Variants in NEO1 observed in about 807,000 individuals in gnomAD.
The protein encoded by NEO1 is neogenin 1.
A neutral mutation model predicts 159.7 loss-of-function variants in NEO1; 63 were observed. The ratio of observed to expected loss-of-function variants is 0.39; its 90% CI spans 0.32 to 0.49. The LOEUF is 0.49. NEO1 is among the 20% of genes least tolerant of loss of function. The pLI is 0.85. For missense variants in NEO1, 1,615 were observed against 1,831.0 expected (o/e 0.88, Z 2.15); for synonymous variants, 633 against 662.0 (o/e 0.96, Z 0.67).
At chr15:73,205,007 G>A (rs1265271250) in intron 7 of NEO1, among the ~76,000 whole-genome samples, 2 of 152,114 alleles carry the variant, frequency 1.3e-5, no homozygotes, top group Non-Finnish European at 2.9e-5. Context: ...CTTGACTTCG[G>A]AACTTCCCTA....
chr15:73,227,151 A>G (rs923462550), intron 7 of NEO1, among the ~76,000 whole-genome samples: 5 of 152,228 alleles, frequency 3.3e-5, no homozygotes, highest in Admixed American at 2.6e-4. Context: ...CTAGATTTTG[A>G]AAGTTAATTC....
At chr15:73,273,597 G>A (rs572912245) in intron 19 of NEO1, among the ~76,000 whole-genome samples, 1 of 152,298 alleles carries the variant, frequency 6.6e-6, no homozygotes, top group East Asian at 1.9e-4. Context: ...CTGCCCAGGA[G>A]TTCCTAGGAG....
chr15:73,188,337 C>T (rs578233308), intron 7 of NEO1, among the ~76,000 whole-genome samples: 50 of 152,150 alleles, frequency 3.3e-4, no homozygotes, highest in Middle Eastern at 6.8e-3. Flanking sequence ...TGTGTATATA[C>T]ACTTTTTAAA....
intron 7 of NEO1, among the ~76,000 whole-genome samples, chr15:73,227,813 T>G (rs1056196978): frequency 4.9e-4 from 75 of 152,216 alleles, no homozygotes; most frequent in Non-Finnish European, 1.6e-4. Context: ...TCCTTCTTGT[T>G]AAGTAACCAA....
chr15:73,124,333 G>T (rs1475453806), intron 3 of NEO1, among the ~76,000 whole-genome samples: 2 of 152,150 alleles, frequency 1.3e-5, no homozygotes, highest in Non-Finnish European at 2.9e-5. Flanking sequence ...AAAGTGCTGG[G>T]CTTATAGGTA....
At chr15:73,191,881 A>G (rs990060150) in intron 7 of NEO1, among the ~76,000 whole-genome samples, 3 of 152,046 alleles carry the variant, frequency 2.0e-5, no homozygotes, top group Admixed American at 6.6e-5. Context: ...CTTTCTAGAG[A>G]TAACCCTCAT....
chr15:73,278,093 G>C, intron 21 of NEO1, 38 bp from the exon 22 acceptor site: 2 of 1,582,426 alleles, frequency 1.3e-6, no homozygotes, highest in Non-Finnish European at 1.7e-6. Flanking sequence ...CACGCCAAAT[G>C]TGTGGGGTCA....
chr15:73,264,746 C>T (rs1337679916), intron 15 of NEO1, among the ~76,000 whole-genome samples: 1 of 152,074 alleles, frequency 6.6e-6, no homozygotes, highest in Non-Finnish European at 1.5e-5. Context: ...GGTATCAGCA[C>T]CTGGATATAT....
chr15:73,082,412 A>G (rs1282618191), intron 1 of NEO1, among the ~76,000 whole-genome samples: 1 of 152,222 alleles, frequency 6.6e-6, no homozygotes, highest in Non-Finnish European at 1.5e-5. Flanking sequence ...TTCTGCACAC[A>G]TTGAGAATGT....
At chr15:73,084,777 CTT>C (rs1164952019) in intron 1 of NEO1, among the ~76,000 whole-genome samples, 202 of 150,302 alleles carry the variant, frequency 1.3e-3, no homozygotes, top group East Asian at 3.3e-3. Context: ...TTACCTTTTT[CTT>C]TTTGTGTGTG....
intron 5 of NEO1, among the ~76,000 whole-genome samples, chr15:73,152,258 C>T (rs1001913620): frequency 6.6e-6 from 1 of 152,224 alleles, no homozygotes; most frequent in Non-Finnish European, 1.5e-5. Flanking sequence ...CTCCTTTCAC[C>T]TGCCCCAAGG....
At chr15:73,271,705 G>A (rs1392117761) in intron 18 of NEO1, among the ~76,000 whole-genome samples, 1 of 152,046 alleles carries the variant, frequency 6.6e-6, no homozygotes, top group Non-Finnish European at 1.5e-5. Context: ...CCAAGAGTTC[G>A]AGACCAGCCT....
intron 7 of NEO1, among the ~76,000 whole-genome samples, chr15:73,230,844 G>A (rs755580551): frequency 3.3e-5 from 5 of 152,124 alleles, no homozygotes; most frequent in Admixed American, 6.5e-5. Flanking sequence ...CACCACTTCA[G>A]CCTCCCAAAG....
rs375973109 is a variant in NEO1 at position 73,301,466 on chromosome 15, G to C, written c.4302+9G>C. ...TGGAAGACTCCGAGAGTGTAAGTTC[G>C]TGGGGCCATCAGTCCAGCCAGATTG... On this transcript the variant is annotated intron_variant, in intron 28 of 28. Transcript: ENST00000261908. 1.2e-6 allele frequency: 2 copies of C among 1,614,132 alleles called. No individual in the cohort carries two copies. Among genetic ancestry groups the C allele is most frequent in the Non-Finnish European group, 1.7e-6 (2 of 1,180,020 alleles).
intron 25 of NEO1, among the ~76,000 whole-genome samples, chr15:73,291,041 T>C (rs1258444144): frequency 6.6e-6 from 1 of 152,204 alleles, no homozygotes; most frequent in Non-Finnish European, 1.5e-5. Context: ...AGCTTATGCT[T>C]GTGGTCCTTG....
intron 7 of NEO1, among the ~76,000 whole-genome samples, chr15:73,216,238 C>T (rs949423943): frequency 4.6e-5 from 7 of 152,052 alleles, no homozygotes; most frequent in East Asian, 1.9e-4. Flanking sequence ...TAATTTCATC[C>T]GTGTCCCTAC....
intron 1 of NEO1, among the ~76,000 whole-genome samples, chr15:73,077,966 A>G (rs2068857250): frequency 6.6e-6 from 1 of 152,178 alleles, no homozygotes; most frequent in Non-Finnish European, 1.5e-5. Flanking sequence ...AGACAGACCT[A>G]TGGCGATGGG....
At chr15:73,194,827 TTAGAGTTTTACACTAATTAAAAG>T (rs1229448634) in intron 7 of NEO1, among the ~76,000 whole-genome samples, 1 of 152,204 alleles carries the variant, frequency 6.6e-6, no homozygotes, top group African/African-American at 2.4e-5. Flanking sequence ...GAAGAAAACA[TTAGAGTTTTACACTAATTAAAAG>T]TAGAGGGATT....
At chr15:73,211,950 G>A (rs2037603017) in intron 7 of NEO1, among the ~76,000 whole-genome samples, 1 of 152,164 alleles carries the variant, frequency 6.6e-6, no homozygotes, top group Non-Finnish European at 1.5e-5. Flanking sequence ...TTCTCAGTAT[G>A]GATTTGTCTG....
Sources: gnomAD v4.1 joint callset for allele counts (sites outside exome capture counted in the v4.1 genomes callset) on GRCh38, gnomAD v4.1.1 for gene constraint, MANE v1.5 for transcripts, NCBI Gene and HGNC (gene_info 2026-07-23, HGNC 2026-07-21) for gene names.